The following ISLR2 variants were observed in gnomAD, a reference collection of about 807,000 sequenced individuals.
The protein encoded by ISLR2 is immunoglobulin superfamily containing leucine-rich repeat protein 2.
A neutral mutation model predicts 25.5 loss-of-function variants in ISLR2; 16 were observed. The ratio of observed to expected loss-of-function variants is 0.63; its 90% CI spans 0.43 to 0.95. ISLR2 has a LOEUF of 0.95. Among genes scored for constraint, ISLR2 ranks in the 40% least tolerant of loss-of-function variants. The probability of loss-of-function intolerance (pLI) is 0.00; values close to 1 mark genes in which losing one functional copy is unlikely to be tolerated. For missense variants in ISLR2, 883 were observed against 1,030.7 expected, an observed-to-expected ratio of 0.86 and a Z score of 1.96; for synonymous variants, 508 against 486.6, an observed-to-expected ratio of 1.04 and a Z score of -0.58.
At chr15:74,118,071 C>A (rs2141934850) in intron 2 of ISLR2, among the ~76,000 whole-genome samples, 1 of 152,296 alleles carries the variant, frequency 6.6e-6, no homozygotes, top group East Asian at 1.9e-4. Flanking sequence ...GCAAAATTCA[C>A]CCCCGATATT....
intron 2 of ISLR2, among the ~76,000 whole-genome samples, chr15:74,109,960 GT>G (rs1033386420): frequency 6.6e-6 from 1 of 152,062 alleles, no homozygotes; most frequent in Admixed American, 6.6e-5. Flanking sequence ...ACGCCCGGAT[GT>G]TTTTTTATTT....
chr15:74,137,572 G>A (rs2072583009), downstream of ISLR2, among the ~76,000 whole-genome samples: 5 of 152,266 alleles, frequency 3.3e-5, no homozygotes, highest in South Asian at 1.0e-3. Flanking sequence ...AGAGACAGGG[G>A]GATCAAGAAA....
upstream of ISLR2, among the ~76,000 whole-genome samples, chr15:74,125,213 G>GT (rs780337632): frequency 1.9e-4 from 29 of 151,816 alleles, 1 homozygote; most frequent in Non-Finnish European, 2.5e-4. Context: ...GTTTTTTGGT[G>GT]TTTTTTTGTT....
At position 74,133,634 on chromosome 15, in the gene ISLR2, G is replaced by C; in HGVS notation, c.880G>C (p.Gly294Arg). ...ACCGGTTCTGAGCGGGGAGGACGAC[G>C]GGGTTGGGGCGGAGGAAGGAGAGGG... ...EPPVLSGEDD[G>R]VGAEEGEGEG... Residue 294 changes from glycine to arginine, a missense_variant, in exon 3 of 3, where the codon GGG (glycine) becomes CGG (arginine). Physicochemically the swap from Gly to Arg is moderately radical, Grantham distance 125. Around this residue, in one of 2 missense-constraint regions of ISLR2, gnomAD observed 612 missense variants for 642.8 expected, o/e 0.95. Transcript: ENST00000453268. The C allele has an allele frequency of 1.2e-6, 2 of 1,613,602 alleles. No homozygotes were observed. Among genetic ancestry groups the C allele is most frequent in the South Asian group, 1.1e-5 (1 of 91,022 alleles).
At chr15:74,106,053 C>A (rs956734961) in intron 2 of ISLR2, among the ~76,000 whole-genome samples, 8 of 152,118 alleles carry the variant, frequency 5.3e-5, no homozygotes, top group Non-Finnish European at 1.0e-4. Flanking sequence ...AAACCGGGCT[C>A]CATGGCTCAG....
At chr15:74,107,928 C>T (rs777999405) in intron 2 of ISLR2, among the ~76,000 whole-genome samples, 2 of 152,130 alleles carry the variant, frequency 1.3e-5, no homozygotes, top group South Asian at 2.1e-4. Context: ...CCCCTCCTTC[C>T]GGCCCCACCC....
In ISLR2 at chr15:74,133,243, G is replaced by T; in HGVS notation, c.489G>T (p.Ala163=). The change falls in exon 3 of 3, where the codon GCG becomes GCT. Residue 163 remains alanine (A), a synonymous_variant. Transcript: ENST00000453268. ...ACAACAACCGGCTGCGTACGCTGGC[G>T]CCTGGCACCTTCGACGCGCTTAGCG... ...RINNNRLRTL[A]PGTFDALSAL... is the part of the protein sequence containing the mutation. The T allele has an allele frequency of 6.2e-7, 1 of 1,612,336 alleles. No homozygotes were observed.
At chr15:74,119,056 T>G (rs974016146) in intron 2 of ISLR2, among the ~76,000 whole-genome samples, 9 of 152,208 alleles carry the variant, frequency 5.9e-5, no homozygotes, top group African/African-American at 2.2e-4. Flanking sequence ...CAAATCATAA[T>G]TAGCATCTCC....
upstream of ISLR2, among the ~76,000 whole-genome samples, chr15:74,123,501 G>C (rs2072269279): frequency 6.6e-6 from 1 of 152,204 alleles, no homozygotes; most frequent in Non-Finnish European, 1.5e-5. Flanking sequence ...GAGAGGGCAA[G>C]GAGTTGCTTA....
intron 2 of ISLR2, among the ~76,000 whole-genome samples, chr15:74,115,897 A>C (rs903551102): frequency 3.3e-5 from 5 of 151,756 alleles, no homozygotes; most frequent in African/African-American, 1.2e-4. Context: ...TATTGAAAAA[A>C]AAAAAAAAAA....
At chr15:74,124,429 G>A (rs1412953210), upstream of ISLR2, among the ~76,000 whole-genome samples, 1 of 152,112 alleles carries the variant, frequency 6.6e-6, no homozygotes, top group East Asian at 1.9e-4. Flanking sequence ...CTTCGGAAAA[G>A]AGAAGCCTGT....
upstream of ISLR2, chr15:74,129,050 T>G (rs1427506030): frequency 2.2e-6 from 1 of 456,510 alleles, no homozygotes; most frequent in African/African-American, 2.0e-5. This position sits in a 1 kb window ranked among gnomAD's most constrained non-coding sequence, Gnocchi z 4.5. Context: ...TCGACCATTT[T>G]CGAAGACACC....
At chr15:74,119,555 C>G (rs1387226994) in intron 2 of ISLR2, among the ~76,000 whole-genome samples, 1 of 152,098 alleles carries the variant, frequency 6.6e-6, no homozygotes, top group Non-Finnish European at 1.5e-5. Flanking sequence ...CTCCCCCTTA[C>G]CCTTCCTCAC....
chr15:74,134,836 G>A lies in ISLR2; in HGVS notation c.2082G>A (p.Glu694=), dbSNP rs1460014415. 1 of 1,614,038 alleles carries A rather than the reference G, an allele frequency of 6.2e-7. No individual in the cohort carries two copies. Among genetic ancestry groups the A allele is most frequent in the Non-Finnish European group, 8.5e-7 (1 of 1,180,040 alleles). Residue 694 remains glutamate, a synonymous_variant, in exon 3 of 3, where the codon GAG becomes GAA. Coordinates refer to ENST00000453268, the MANE Select transcript of ISLR2 (RefSeq NM_020851.3). ...GDPSGDLQRE[E]SLAACSLVES... is the part of the protein sequence containing the mutation. Reference sequence around the variant, plus strand: ...CAAGTGGGGACCTGCAGAGAGAGGAGAGCCTGGCGGCCTGCTCACTGGTGG... The same window carrying A: ...CAAGTGGGGACCTGCAGAGAGAGGAAAGCCTGGCGGCCTGCTCACTGGTGG...
At chr15:74,139,555 G>A (rs796774340), downstream of ISLR2, among the ~76,000 whole-genome samples, 4 of 152,166 alleles carry the variant, frequency 2.6e-5, no homozygotes, top group African/African-American at 9.6e-5. Context: ...TCCAGAGATG[G>A]GGAGCTCACA....
At chr15:74,109,474 G>A (rs916340794) in intron 2 of ISLR2, among the ~76,000 whole-genome samples, 41 of 152,350 alleles carry the variant, frequency 2.7e-4, no homozygotes, top group African/African-American at 9.1e-4. Context: ...AGGGGCAGGA[G>A]CATTCTTGTC....
At chr15:74,123,226 A>G (rs1051642873), upstream of ISLR2, among the ~76,000 whole-genome samples, 2 of 152,118 alleles carry the variant, frequency 1.3e-5, no homozygotes, top group African/African-American at 4.8e-5. Context: ...GCGGGCCTCA[A>G]GAGATGAGGC....
chr15:74,116,015 T>C (rs2141933223), intron 2 of ISLR2, among the ~76,000 whole-genome samples: 1 of 150,504 alleles, frequency 6.6e-6, no homozygotes, highest in South Asian at 2.1e-4. Flanking sequence ...CTGGGCAACA[T>C]AGGGAGACCT....
At chr15:74,136,859 AG>A (rs2072575290), downstream of ISLR2, 3 of 166,698 alleles carry the variant, frequency 1.8e-5, no homozygotes, top group Admixed American at 2.0e-4. Flanking sequence ...GCGATGAAGG[AG>A]GAAACCGCGG....
Sources: gnomAD v4.1 joint callset for allele counts (sites outside exome capture counted in the v4.1 genomes callset) on GRCh38, gnomAD v4.1.1 for gene constraint, gnomAD v4.1.1 regional missense constraint, Gnocchi (gnomAD v3.1) non-coding constraint, MANE v1.5 for transcripts, NCBI Gene and HGNC (gene_info 2026-07-23, HGNC 2026-07-21) for gene names.